The following SUSD4 variants were observed in gnomAD, a reference collection of about 807,000 sequenced individuals.
SUSD4 encodes the protein sushi domain-containing protein 4.
SUSD4 carries 41 observed loss-of-function variants against 50.5 expected under a neutral mutation model. The ratio of observed to expected loss-of-function variants is 0.81; its 90% confidence interval spans 0.63 to 1.05. The LOEUF (loss-of-function observed/expected upper bound fraction) is 1.05. Ranked by LOEUF, SUSD4 falls within the 50% of genes least tolerant of loss-of-function variation. SUSD4 has a pLI of 0.00. For synonymous variants in SUSD4, 257 were observed against 257.3 expected (o/e 1.00, Z 0.01); for missense variants, 580 against 634.7 (o/e 0.91, Z 0.93).
intron 5 of SUSD4, among the ~76,000 whole-genome samples, chr1:223,253,496 G>A (rs1369502832): frequency 3.3e-5 from 5 of 152,182 alleles, no homozygotes; most frequent in Admixed American, 2.6e-4. Flanking sequence ...AAAAGGCAGG[G>A]AATTACGGCA....
chr1:223,361,490 C>T (rs985326490), intron 2 of SUSD4, among the ~76,000 whole-genome samples: 2 of 152,028 alleles, frequency 1.3e-5, no homozygotes, highest in African/African-American at 4.8e-5. Flanking sequence ...TGATCCCCCA[C>T]AGGAAGGCAG....
At chr1:223,323,518 T>C (rs1666707770) in intron 2 of SUSD4, among the ~76,000 whole-genome samples, 1 of 151,838 alleles carries the variant, frequency 6.6e-6, no homozygotes, top group African/African-American at 2.4e-5. Flanking sequence ...GAGCTGAAGA[T>C]TGAGGGTGGA....
chr1:223,257,996 C>G lies in SUSD4; in HGVS notation c.724+6634G>C, dbSNP rs192684494. Among the ~76,000 whole-genome samples, 28 of 152,298 alleles carry G rather than the reference C, an allele frequency of 1.8e-4. No individual in the cohort carries two copies. The East Asian group carries it at 4.1e-3, about 22-fold the overall frequency. On this transcript the variant is annotated intron_variant, in intron 5 of 8. Transcript: ENST00000366878. ...CGGGAGCAGCCTGTCCCAGGGTGGG[C>G]CCTCATCACACCCCCTTTGAGTGTC... is the stretch of plus-strand genomic sequence containing the variant.
At chr1:223,361,405 C>T (rs768637849) in intron 2 of SUSD4, among the ~76,000 whole-genome samples, 1 of 152,082 alleles carries the variant, frequency 6.6e-6, no homozygotes, top group Non-Finnish European at 1.5e-5. Context: ...AAAGAAAGAG[C>T]TCTGAGACTG....
intron 7 of SUSD4, among the ~76,000 whole-genome samples, chr1:223,224,384 G>A (rs1399001928): frequency 6.6e-6 from 1 of 152,034 alleles, no homozygotes; most frequent in Non-Finnish European, 1.5e-5. Context: ...TGGACCCTCA[G>A]TGCCCAGAGG....
rs569131568 is a variant in SUSD4, at chr1:223,265,044, G to A, written c.536-226C>T. Among the ~76,000 whole-genome samples the A allele has an allele frequency of 1.3e-3, 193 of 152,370 alleles. 1 individual carries two copies. Among genetic ancestry groups the A allele is most frequent in the African/African-American group, 4.3e-3 (180 of 41,596 alleles). ...TGAAAATGGCACCAAGAGGGTCAGA[G>A]GAGTAGTTAAGACAGAGGGAGGGTG... On this transcript the variant is annotated intron_variant, in intron 4 of 8. Transcript: ENST00000366878.
Position 223,330,510 on chromosome 1 carries a change from G to A in SUSD4, c.148+32768C>T, listed in dbSNP as rs78431892. On this transcript the variant is annotated intron_variant, in intron 2 of 8. Coordinates refer to ENST00000366878, the MANE Select transcript of SUSD4 (RefSeq NM_017982.4). ...TAAGAAGATTCAGAAAACAACAAAC[G>A]AGAAAATAAAGTCCACACAAAGAAA... Among the ~76,000 whole-genome samples the A allele has an allele frequency of 4.6e-5, 7 of 152,184 alleles. No individual in the cohort carries two copies. The South Asian group carries it at 1.5e-3, about 32-fold the overall frequency.
intron 4 of SUSD4, among the ~76,000 whole-genome samples, chr1:223,265,267 C>A (rs941700115): frequency 1.3e-5 from 2 of 152,210 alleles, no homozygotes; most frequent in African/African-American, 4.8e-5. Flanking sequence ...GTGAGAGCAG[C>A]TTCAGAAGCT....
chr1:223,237,939 T>C (rs567364643), intron 5 of SUSD4, among the ~76,000 whole-genome samples: 3 of 152,136 alleles, frequency 2.0e-5, no homozygotes, highest in African/African-American at 7.2e-5. Context: ...CTTCCTTATA[T>C]GTTTGGTAGA....
intron 3 of SUSD4, among the ~76,000 whole-genome samples, chr1:223,270,648 C>T (rs1017822611): frequency 1.3e-5 from 2 of 152,262 alleles, no homozygotes; most frequent in East Asian, 3.9e-4. Flanking sequence ...CAGCTCACTG[C>T]AACCTCCACC....
intron 2 of SUSD4, among the ~76,000 whole-genome samples, chr1:223,339,091 A>C (rs1667613496): frequency 6.6e-6 from 1 of 152,166 alleles, no homozygotes; most frequent in East Asian, 1.9e-4. Flanking sequence ...GAAAAAGCAG[A>C]AGGGAGTAAT....
intron 2 of SUSD4, among the ~76,000 whole-genome samples, chr1:223,334,575 G>C (rs534764392): frequency 1.3e-5 from 2 of 152,148 alleles, no homozygotes; most frequent in Non-Finnish European, 2.9e-5. Flanking sequence ...GAAAATCTGG[G>C]GAGAGGCTGG....
intron 3 of SUSD4, among the ~76,000 whole-genome samples, chr1:223,287,536 G>T (rs746957571): frequency 6.6e-6 from 1 of 152,164 alleles, no homozygotes; most frequent in Non-Finnish European, 1.5e-5. Flanking sequence ...AAAAGCAAGT[G>T]CTGCTCTGTG....
At chr1:223,248,600 C>A (rs191526626) in intron 5 of SUSD4, among the ~76,000 whole-genome samples, 48 of 152,308 alleles carry the variant, frequency 3.2e-4, no homozygotes, top group Middle Eastern at 3.4e-3. Flanking sequence ...TGTAACAACA[C>A]AGAAGGCCAA....
chr1:223,320,974 AAT>A (rs1340956747), intron 2 of SUSD4, among the ~76,000 whole-genome samples: 1 of 152,178 alleles, frequency 6.6e-6, no homozygotes. Flanking sequence ...CCCTCATTCT[AAT>A]AGCCTCTCAT....
At chr1:223,241,364 A>T (rs1011643522) in intron 5 of SUSD4, among the ~76,000 whole-genome samples, 1 of 152,196 alleles carries the variant, frequency 6.6e-6, no homozygotes, top group African/African-American at 2.4e-5. Context: ...TTACCTCTAC[A>T]GTTGGCCACA....
chr1:223,265,126 C>T (rs958074343), intron 4 of SUSD4, among the ~76,000 whole-genome samples: 12 of 152,184 alleles, frequency 7.9e-5, no homozygotes, highest in Non-Finnish European at 1.3e-4. Context: ...GCTCTGACTG[C>T]GTTTCAGCAT....
intron 3 of SUSD4, among the ~76,000 whole-genome samples, chr1:223,271,184 T>C (rs1273793214): frequency 6.6e-5 from 10 of 152,174 alleles, no homozygotes; most frequent in Non-Finnish European, 1.5e-4. Context: ...TGTTCAGCAA[T>C]TAGCTGGTAT....
chr1:223,363,421 T>C lies in SUSD4; in HGVS notation c.5A>G (p.Tyr2Cys), dbSNP rs1669121070. 1 of 1,553,932 alleles carries C rather than the reference T, an allele frequency of 6.4e-7. No individual in the cohort carries two copies. The highest frequency in any genetic ancestry group is 1.2e-5 in the South Asian group (1 of 83,366). Residue 2 changes from tyrosine to cysteine, a missense_variant, in exon 2 of 9, where the codon TAT becomes TGT. Tyr to Cys is a radical substitution (Grantham distance 194). Transcript: ENST00000366878. M[Y>C]HGMNPSNGDG... ...TCCATTGCTCGGGTTCATTCCATGA[T>C]ACATCTTTCATCCACAGAGGGCATC...
Sources: allele counts gnomAD v4.1 joint callset (sites outside exome capture counted in the v4.1 genomes callset), GRCh38; gene constraint gnomAD v4.1.1; transcripts MANE v1.5; gene names NCBI Gene and HGNC (gene_info 2026-07-23, HGNC 2026-07-21).